The following CCDC88A variants were observed in gnomAD, a reference collection of about 807,000 sequenced individuals.
The protein encoded by CCDC88A is coiled-coil and HOOK domain protein 88A.
CCDC88A carries 54 observed loss-of-function variants against 234.3 expected under a neutral mutation model. The ratio of observed to expected loss-of-function variants is 0.23; its 90% CI spans 0.19 to 0.29. The LOEUF is 0.29. Among genes scored for constraint, CCDC88A ranks in the 10% least tolerant of loss-of-function variants. The pLI, the probability that CCDC88A is intolerant of heterozygous loss-of-function variation, is 1.00. For missense variants in CCDC88A, 1,832 were observed against 2,123.4 expected (o/e 0.86, Z 2.70); for synonymous variants, 753 against 737.8 (o/e 1.02, Z -0.33).
Position 55,290,570 on chromosome 2 carries a change from AT to A in CCDC88A, c.*629del, listed in dbSNP as rs1360270290. On this transcript the variant is annotated 3_prime_UTR_variant, in exon 33 of 33. Transcript: ENST00000436346. ...TTTTATAACTCCTATTTCATTATGG[AT>A]TTTTCAGATTTATCTTATAAACTGA... 2 of 152,106 alleles carry A rather than the reference AT, an allele frequency of 1.3e-5. No homozygotes were observed. The highest frequency in any genetic ancestry group is 2.9e-5 in the Non-Finnish European group (2 of 67,922). 9.4% of individuals were successfully genotyped at this position (152,106 alleles called of 1,614,324 possible).
Position 55,302,058 on chromosome 2 carries a change from C to A in CCDC88A, c.4486G>T (p.Val1496Leu). Residue 1496 changes from valine (V) to leucine (L), a missense_variant, in exon 27 of 33, where the codon GTG becomes TTG. Physicochemically the swap from Val to Leu is conservative, Grantham distance 32. Around this residue, in one of 6 missense-constraint regions of CCDC88A, gnomAD observed 1,282 missense variants for 1,543.6 expected, o/e 0.83. Coordinates refer to ENST00000436346, the MANE Select transcript of CCDC88A (RefSeq NM_001365480.1). ...YRRSMSMNDL[V>L]QSMVLAGQWT... ...TGTCCTGCTAGGACCATGGACTGCA[C>A]CAGGTCATTCATGGCTGGGATGCAA... is the stretch of plus-strand genomic sequence containing the variant. 10 of 1,613,694 alleles carry A rather than the reference C, an allele frequency of 6.2e-6. No homozygotes were observed. Among genetic ancestry groups the A allele is most frequent in the Non-Finnish European group, 8.5e-6 (10 of 1,179,608 alleles).
Position 55,303,077 on chromosome 2 carries a change from C to T in CCDC88A, c.4463G>A (p.Arg1488His), listed in dbSNP as rs1393844819. The T allele has an allele frequency of 1.3e-6, 2 of 1,548,970 alleles. No homozygotes were observed. The highest frequency in any genetic ancestry group is 1.7e-4 in the Middle Eastern group (1 of 5,986). ...CTGTCATAAAGTCTTACACATGGAA[C>T]GACGGTAGCAGGCCTTCATTTTGTC... ...DKDKMKACYR[R>H]SMSMNDLVQS... Residue 1488 changes from arginine (R) to histidine (H), a missense_variant, in exon 26 of 33, where the codon CGT becomes CAT. Around this residue, in one of 6 missense-constraint regions of CCDC88A, gnomAD observed 1,282 missense variants for 1,543.6 expected, o/e 0.83. Coordinates refer to ENST00000436346, the MANE Select transcript of CCDC88A (RefSeq NM_001365480.1).
At chr2:55,315,834 A>G in intron 22 of CCDC88A, 94 bp downstream of exon 22, 1 of 644,456 alleles carries the variant, frequency 1.6e-6, no homozygotes, top group Admixed American at 3.0e-5. Context: ...CACTAAATAT[A>G]TACTAGTATT....
At chr2:55,311,400 C>T (rs578068515) in intron 23 of CCDC88A, among the ~76,000 whole-genome samples, 13 of 152,270 alleles carry the variant, frequency 8.5e-5, no homozygotes, top group Admixed American at 3.9e-4. Flanking sequence ...TTTGGTAAGA[C>T]TGGTGCTTCA....
intron 29 of CCDC88A, 50 bp from the exon 30 acceptor site, chr2:55,296,573 A>C (rs1035523378): frequency 5.9e-6 from 9 of 1,532,562 alleles, no homozygotes; most frequent in Non-Finnish European, 8.0e-6. Context: ...ATTGAGATTA[A>C]TACTTCATGA....
chr2:55,363,171 C>T (rs749692619), intron 6 of CCDC88A, among the ~76,000 whole-genome samples: 3 of 152,026 alleles, frequency 2.0e-5, no homozygotes, highest in Non-Finnish European at 4.4e-5. Flanking sequence ...TTGTAAAGTA[C>T]TAATATGCTT....
Position 55,322,683 on chromosome 2 carries a change from T to G in CCDC88A, c.3007A>C (p.Asn1003His). 1 of 1,522,198 alleles carries G rather than the reference T, an allele frequency of 6.6e-7. No individual in the cohort carries two copies. Among genetic ancestry groups the G allele is most frequent in the South Asian group, 1.3e-5 (1 of 75,128 alleles). 94.3% of individuals were successfully genotyped at this position (1,522,198 alleles called of 1,614,324 possible). A position where few individuals can be genotyped will look rare whatever the true frequency, so the allele number is the denominator to read the frequency against. Residue 1003 changes from asparagine (N) to histidine (H), a missense_variant, in exon 18 of 33, where the codon AAT becomes CAT. By Grantham distance (68) the Asn-to-His change is moderately conservative. This residue lies in a region of CCDC88A where 1,282 missense variants were observed against 1,543.6 expected (regional missense o/e 0.83). Transcript: ENST00000436346. The part of the protein sequence containing the change: ...LRQELKTVKK[N>H]YEALKQRQDE... Reference sequence around the variant, plus strand: ...TGTCTCTGTTTGAGAGCTTCATAATTTTTTTTCACCTAAAATTTTATTTAA... The same window carrying G: ...TGTCTCTGTTTGAGAGCTTCATAATGTTTTTTCACCTAAAATTTTATTTAA...
At chr2:55,308,665 T>A (rs1681951024) in intron 25 of CCDC88A, 144 bp downstream of exon 25, 2 of 636,154 alleles carry the variant, frequency 3.1e-6, no homozygotes, top group Non-Finnish European at 5.5e-6. Flanking sequence ...TGTACACTAA[T>A]GCAGTACACA....
At chr2:55,385,624 G>A (rs186004015) in intron 3 of CCDC88A, among the ~76,000 whole-genome samples, 2,136 of 150,892 alleles carry the variant, frequency 0.014, 26 homozygotes, top group Middle Eastern at 0.028. Context: ...AGGCTGAGGC[G>A]CGTGGATCAT....
intron 3 of CCDC88A, among the ~76,000 whole-genome samples, chr2:55,380,652 G>A (rs935503996): frequency 1.3e-5 from 2 of 152,112 alleles, no homozygotes; most frequent in Middle Eastern, 3.4e-3. Flanking sequence ...GTCTTGCTCT[G>A]TCACCCAGGC....
chr2:55,324,554 C>A (rs1684027767), intron 17 of CCDC88A, among the ~76,000 whole-genome samples: 1 of 151,970 alleles, frequency 6.6e-6, no homozygotes, highest in Admixed American at 6.6e-5. Flanking sequence ...GTCATTATAT[C>A]CAGTTTTTAT....
chr2:55,384,035 G>A (rs1337804962), intron 3 of CCDC88A, among the ~76,000 whole-genome samples: 1 of 151,542 alleles, frequency 6.6e-6, no homozygotes, highest in Non-Finnish European at 1.5e-5. Context: ...ACCAGACTCT[G>A]TCTCAAAAAA....
chr2:55,346,571 C>T (rs542642447), intron 9 of CCDC88A, among the ~76,000 whole-genome samples: 8 of 152,112 alleles, frequency 5.3e-5, no homozygotes, highest in African/African-American at 1.2e-4. Flanking sequence ...AAGCTCCCCC[C>T]ACCATGCCCG....
intron 28 of CCDC88A, chr2:55,300,161 G>T: frequency 2.3e-6 from 1 of 434,768 alleles, no homozygotes; most frequent in Non-Finnish European, 4.2e-6. Context: ...ATTTGAAAAT[G>T]AGTTCTAGAT....
chr2:55,398,382 A>G (rs1220237624), intron 2 of CCDC88A, among the ~76,000 whole-genome samples: 1 of 152,188 alleles, frequency 6.6e-6, no homozygotes, highest in Non-Finnish European at 1.5e-5. Flanking sequence ...ATCATTATCT[A>G]TTACTATAAA....
intron 2 of CCDC88A, among the ~76,000 whole-genome samples, chr2:55,412,693 G>A (rs981357478): frequency 2.0e-5 from 3 of 152,136 alleles, no homozygotes; most frequent in East Asian, 3.8e-4. Context: ...GTTGGGGACC[G>A]CTGGTCTTGA....
intron 7 of CCDC88A, among the ~76,000 whole-genome samples, chr2:55,360,978 A>T (rs1671220561): frequency 6.6e-6 from 1 of 152,154 alleles, no homozygotes; most frequent in Non-Finnish European, 1.5e-5. Context: ...AATCCCAGCT[A>T]CTTGGGAGGC....
chr2:55,413,744 T>C (rs976045149), intron 2 of CCDC88A, among the ~76,000 whole-genome samples: 7 of 151,804 alleles, frequency 4.6e-5, no homozygotes, highest in African/African-American at 1.7e-4. Context: ...GGTGGGTGGA[T>C]CGCTTGAGAC....
intron 7 of CCDC88A, among the ~76,000 whole-genome samples, chr2:55,359,840 G>A (rs914836802): frequency 7.7e-5 from 7 of 90,826 alleles, no homozygotes; most frequent in Non-Finnish European, 1.3e-4. Context: ...AACATAAAAA[G>A]ATACATCAAT....
Sources: allele counts gnomAD v4.1 joint callset (sites outside exome capture counted in the v4.1 genomes callset), GRCh38; gene constraint gnomAD v4.1.1; regional missense constraint gnomAD v4.1.1; transcripts MANE v1.5; gene names NCBI Gene and HGNC (gene_info 2026-07-23, HGNC 2026-07-21).